Variants in RANBP2 observed in about 807,000 individuals in gnomAD.
RANBP2 encodes RAN binding protein 2, also known as E3 SUMO-protein ligase RanBP2.
A neutral mutation model predicts 303.6 loss-of-function variants in RANBP2; 57 were observed. The ratio of observed to expected loss-of-function variants is 0.19; its 90% CI spans 0.15 to 0.23. The LOEUF (loss-of-function observed/expected upper bound fraction) is 0.23. Ranked by LOEUF, RANBP2 falls within the 10% of genes least tolerant of loss-of-function variation. The probability of loss-of-function intolerance (pLI) is 1.00; values close to 1 mark genes in which losing one functional copy is unlikely to be tolerated. For missense variants in RANBP2, 3,138 were observed against 3,780.8 expected, an observed-to-expected ratio of 0.83 and a Z score of 4.46; for synonymous variants, 1,167 against 1,301.5, an observed-to-expected ratio of 0.90 and a Z score of 2.23.
the RANBP2 span, among the ~76,000 whole-genome samples, chr2:108,854,965 C>T: frequency 2.6e-5 from 4 of 152,122 alleles, no homozygotes; most frequent in Non-Finnish European, 5.9e-5. Flanking sequence ...ATATTTCATA[C>T]TGATTAAGAT....
chr2:108,802,392 T>C, the RANBP2 span, among the ~76,000 whole-genome samples: 1 of 134,850 alleles, frequency 7.4e-6, no homozygotes, highest in African/African-American at 3.3e-5. Context: ...TTTGAAGCAA[T>C]TGTGAATGGG....
At chr2:108,975,989 G>A in the RANBP2 span, among the ~76,000 whole-genome samples, 3 of 152,138 alleles carry the variant, frequency 2.0e-5, no homozygotes, top group African/African-American at 7.2e-5. Context: ...GTGTTCCCGG[G>A]GACCCCACAC....
At chr2:109,175,036 T>G in the RANBP2 span, among the ~76,000 whole-genome samples, 2 of 152,208 alleles carry the variant, frequency 1.3e-5, no homozygotes, top group African/African-American at 4.8e-5. Flanking sequence ...TGAGTAGCCT[T>G]TATTTGAGTC....
chr2:108,898,666 A>G, the RANBP2 span, among the ~76,000 whole-genome samples: 1 of 152,260 alleles, frequency 6.6e-6, no homozygotes, highest in African/African-American at 2.4e-5. Context: ...AGAATTCATA[A>G]TAAAAGTGCT....
chr2:109,116,446 T>C, the RANBP2 span, among the ~76,000 whole-genome samples: 1 of 152,258 alleles, frequency 6.6e-6, no homozygotes, highest in Non-Finnish European at 1.5e-5. Flanking sequence ...TTCTGCATTC[T>C]TCACGTAGTT....
At chr2:109,404,607 A>T in the RANBP2 span, among the ~76,000 whole-genome samples, 1 of 152,124 alleles carries the variant, frequency 6.6e-6, no homozygotes, top group African/African-American at 2.4e-5. Context: ...CCACGGGCAC[A>T]CAGGGCCTGG....
the RANBP2 span, among the ~76,000 whole-genome samples, chr2:109,035,575 T>C: frequency 7.0e-6 from 1 of 143,144 alleles, no homozygotes; most frequent in Admixed American, 7.2e-5. Flanking sequence ...AAGAAAGGCC[T>C]GGTCCCCCCT....
the RANBP2 span, chr2:109,251,396 A>G: frequency 1.5e-6 from 1 of 685,442 alleles, no homozygotes; most frequent in East Asian, 3.0e-5. Flanking sequence ...TTTCCAAGGC[A>G]TCTGTGAGTG....
chr2:108,927,576 G>A, the RANBP2 span, among the ~76,000 whole-genome samples: 1 of 152,188 alleles, frequency 6.6e-6, no homozygotes, highest in African/African-American at 2.4e-5. Context: ...AGAGCCAGCA[G>A]CATAGGTCGG....
chr2:109,263,076 C>G, the RANBP2 span, among the ~76,000 whole-genome samples: 1 of 152,096 alleles, frequency 6.6e-6, no homozygotes, highest in Non-Finnish European at 1.5e-5. Context: ...GAACTCCTGA[C>G]CTTAGGTAAT....
At chr2:109,245,553 G>T in the RANBP2 span, among the ~76,000 whole-genome samples, 1 of 152,204 alleles carries the variant, frequency 6.6e-6, no homozygotes, top group Admixed American at 6.5e-5. Flanking sequence ...TGGACAAACT[G>T]CACCTCTAGC....
chr2:109,330,800 C>T, the RANBP2 span, among the ~76,000 whole-genome samples: 305 of 152,274 alleles, frequency 2.0e-3, 2 homozygotes, highest in Admixed American at 5.1e-3. Context: ...TCATTCCCCA[C>T]ACACTCCTAA....
chr2:109,305,282 C>T, the RANBP2 span, among the ~76,000 whole-genome samples: 3 of 152,024 alleles, frequency 2.0e-5, no homozygotes, highest in East Asian at 1.9e-4. Flanking sequence ...AGACTGGAGG[C>T]GTTTTGACTG....
At chr2:108,825,862 A>G in the RANBP2 span, among the ~76,000 whole-genome samples, 55 of 152,178 alleles carry the variant, frequency 3.6e-4, no homozygotes, top group South Asian at 2.1e-3. Context: ...AAGTGGTTCA[A>G]CAGTTGTTGA....
At chr2:109,484,670 T>C in the RANBP2 span, among the ~76,000 whole-genome samples, 2 of 152,162 alleles carry the variant, frequency 1.3e-5, no homozygotes, top group Non-Finnish European at 2.9e-5. Context: ...TTTTCCCCTC[T>C]TAAATTAAAA....
At chr2:109,706,798 C>T in the RANBP2 span, among the ~76,000 whole-genome samples, 1 of 152,216 alleles carries the variant, frequency 6.6e-6, no homozygotes, top group Non-Finnish European at 1.5e-5. Context: ...ACTTCAGATA[C>T]AAGGATGGAG....
chr2:108,931,318 G>A, the RANBP2 span, among the ~76,000 whole-genome samples: 10 of 152,288 alleles, frequency 6.6e-5, no homozygotes, highest in South Asian at 4.1e-4. Flanking sequence ...TGTGTTTCTC[G>A]TGCTCAGAGG....
At chr2:109,356,639 T>C in the RANBP2 span, among the ~76,000 whole-genome samples, 2 of 152,108 alleles carry the variant, frequency 1.3e-5, no homozygotes, top group Non-Finnish European at 2.9e-5. Context: ...CTTGAATATA[T>C]TGGTGACGTG....
At chr2:109,509,374 A>T in the RANBP2 span, among the ~76,000 whole-genome samples, 1 of 152,068 alleles carries the variant, frequency 6.6e-6, no homozygotes, top group East Asian at 1.9e-4. Context: ...AAACAACAGA[A>T]ATATATTCTC....
Sources: allele counts gnomAD v4.1 joint callset (sites outside exome capture counted in the v4.1 genomes callset), GRCh38; gene constraint gnomAD v4.1.1; transcripts MANE v1.5; gene names NCBI Gene and HGNC (gene_info 2026-07-23, HGNC 2026-07-21).